Variants in NPFFR1 observed in about 807,000 individuals in gnomAD.
NPFFR1 encodes the protein G-protein coupled receptor 147.
A neutral mutation model predicts 12.7 loss-of-function variants in NPFFR1; 17 were observed. That is an observed-to-expected ratio of 1.34 (90% CI 0.92 to 2.01). The LOEUF is 2.01. NPFFR1 is among the 30% of genes most tolerant of loss of function. The pLI is 0.00. For synonymous variants in NPFFR1, 296 were observed against 264.5 expected, an observed-to-expected ratio of 1.12 and a Z score of -1.16; for missense variants, 604 against 606.5, an observed-to-expected ratio of 1.00 and a Z score of 0.04.
At chr10:70,269,863 C>T (rs111254210) in intron 1 of NPFFR1, among the ~76,000 whole-genome samples, 1 of 152,330 alleles carries the variant, frequency 6.6e-6, no homozygotes, top group Non-Finnish European at 1.5e-5. Flanking sequence ...TCTCTGACCT[C>T]ACCCAGTGCC....
chr10:70,266,179 T>C lies in NPFFR1; in HGVS notation c.220A>G (p.Met74Val), dbSNP rs753490342. The C allele has an allele frequency of 3.7e-6, 6 of 1,614,044 alleles. No individual in the cohort carries two copies. The South Asian group carries it at 6.6e-5, about 18-fold the overall frequency. Residue 74 changes from methionine to valine, a missense_variant, in exon 2 of 4, where the codon ATG (methionine) becomes GTG (valine). Met to Val is a conservative substitution (Grantham distance 21). Coordinates refer to ENST00000277942, the MANE Select transcript of NPFFR1 (RefSeq NM_022146.5). ...ATGAACATGTTGGTGACAGTATGCA[T>C]GTGCCGGTTCTTGAGCACGATGAAA... ...VCFIVLKNRH[M>V]HTVTNMFILN... is the part of the protein sequence containing the mutation.
chr10:70,266,585 A>G (rs1351718394), intron 1 of NPFFR1, among the ~76,000 whole-genome samples, 194 bp from the exon 2 acceptor site: 2 of 152,168 alleles, frequency 1.3e-5, no homozygotes, highest in Non-Finnish European at 1.5e-5. Context: ...CTGGTCTTGT[A>G]CTTCATGCCC....
intron 1 of NPFFR1, among the ~76,000 whole-genome samples, chr10:70,281,752 G>A (rs1475472401): frequency 6.6e-6 from 1 of 152,100 alleles, no homozygotes; most frequent in East Asian, 1.9e-4. Flanking sequence ...TGCATAGTAT[G>A]CCATTGCAGA....
At chr10:70,263,836 G>A (rs1202254215) in intron 2 of NPFFR1, among the ~76,000 whole-genome samples, 1 of 152,096 alleles carries the variant, frequency 6.6e-6, no homozygotes, top group Non-Finnish European at 1.5e-5. Context: ...AAAAAGCTGG[G>A]CATGGTGCCT....
intron 1 of NPFFR1, among the ~76,000 whole-genome samples, chr10:70,280,232 G>GA (rs1840844928): frequency 1.3e-5 from 2 of 152,258 alleles, no homozygotes; most frequent in South Asian, 4.1e-4. Context: ...AGATTTTGGG[G>GA]TAAGTACCCA....
intron 1 of NPFFR1, among the ~76,000 whole-genome samples, chr10:70,271,523 T>TA (rs1005905379): frequency 7.3e-5 from 11 of 151,722 alleles, no homozygotes; most frequent in African/African-American, 2.7e-4. Flanking sequence ...AAATAAAAAA[T>TA]AAAAAATAAT....
At chr10:70,270,490 C>T (rs1431082986) in intron 1 of NPFFR1, among the ~76,000 whole-genome samples, 1 of 152,256 alleles carries the variant, frequency 6.6e-6, no homozygotes, top group Non-Finnish European at 1.5e-5. Context: ...ATTTCCCCCA[C>T]TATCCTTCAC....
At chr10:70,278,870 A>G (rs759293218) in intron 1 of NPFFR1, among the ~76,000 whole-genome samples, 3 of 152,254 alleles carry the variant, frequency 2.0e-5, no homozygotes, top group Admixed American at 6.5e-5. Flanking sequence ...TAGAGTTACA[A>G]AAACATTTAC....
intron 1 of NPFFR1, among the ~76,000 whole-genome samples, chr10:70,275,255 CA>C (rs1010394051): frequency 6.6e-6 from 1 of 152,196 alleles, no homozygotes; most frequent in South Asian, 2.1e-4. Flanking sequence ...TTTTACCCAT[CA>C]AAAATTGTAT....
At position 70,248,481 on chromosome 10, in the gene NPFFR1, T is replaced by TG. The variant is rs1840475636; in HGVS notation, c.*6475_*6476insC. On this transcript the variant is annotated 3_prime_UTR_variant, in exon 4 of 4. Coordinates refer to ENST00000277942, the MANE Select transcript of NPFFR1 (RefSeq NM_022146.5). ...CTATGCCTGGCGTTTTTTTTTTGTT[T>TG]TTTGTTTTTTTTTTTTTTTTTTGAG... 1.8e-5 allele frequency: 2 copies of TG among 109,586 alleles called. No individual in the cohort carries two copies. The highest frequency in any genetic ancestry group is 7.0e-5 in the African/African-American group (2 of 28,592). The allele number at this position is 109,586 out of a possible 1,614,324, so 6.8% of individuals were successfully genotyped here.
At chr10:70,281,121 C>A (rs1436753571) in intron 1 of NPFFR1, among the ~76,000 whole-genome samples, 5 of 152,220 alleles carry the variant, frequency 3.3e-5, no homozygotes, top group African/African-American at 9.7e-5. Flanking sequence ...CCTGCCACAT[C>A]CCATTGGCCC....
Position 70,279,936 on chromosome 10 carries a change from G to A in NPFFR1, c.7+3734C>T, listed in dbSNP as rs561903587. Reference sequence around the variant, plus strand: ...GCCACTCTACTCTCTGGTTCTATGAGTTCTATAGTTTTAGATTCAATATAT... The same window carrying A: ...GCCACTCTACTCTCTGGTTCTATGAATTCTATAGTTTTAGATTCAATATAT... On this transcript the variant is annotated intron_variant, in intron 1 of 3. Transcript: ENST00000277942. 2.0e-5 allele frequency among the ~76,000 whole-genome samples: 3 copies of A among 152,262 alleles called. No homozygotes were observed. In the South Asian group the frequency reaches 6.2e-4, roughly 32 times the overall value.
rs1307534660 is a variant in NPFFR1 at position 70,260,339 on chromosome 10, C to T, written c.422+301G>A. ...GCTCAGACTTAGAGGTGGCAGGATTCCTGCTGCTCAGGAAATAAGGACTGC... is the reference window on the plus strand; with the variant it reads ...GCTCAGACTTAGAGGTGGCAGGATTTCTGCTGCTCAGGAAATAAGGACTGC... On this transcript the variant is annotated intron_variant, in intron 3 of 3. Transcript: ENST00000277942. Among the ~76,000 whole-genome samples the T allele has an allele frequency of 2.6e-5, 4 of 152,290 alleles. No individual in the cohort carries two copies. The East Asian group carries it at 7.7e-4, about 29-fold the overall frequency.
At chr10:70,267,076 G>C (rs764835451) in intron 1 of NPFFR1, among the ~76,000 whole-genome samples, 47 of 152,146 alleles carry the variant, frequency 3.1e-4, no homozygotes, top group Admixed American at 6.5e-5. Flanking sequence ...CTTTCTGAGT[G>C]CACCATTTGT....
rs554397692 is a variant in NPFFR1, at chr10:70,254,195, G to T, written c.*762C>A. ...GCATTGTAAGTTCTTGCCTTGGTCT[G>T]GGAGTCCCTCCTCTGTTCTCTAAGC... On this transcript the variant is annotated 3_prime_UTR_variant, in exon 4 of 4. Coordinates refer to ENST00000277942, the MANE Select transcript of NPFFR1 (RefSeq NM_022146.5). 18 of 152,312 alleles carry T rather than the reference G, an allele frequency of 1.2e-4. No homozygotes were observed. Among genetic ancestry groups the T allele is most frequent in the African/African-American group, 4.3e-4 (18 of 41,552 alleles). The allele number at this position is 152,312 out of a possible 1,614,324, so 9.4% of individuals were successfully genotyped here.
At chr10:70,283,262 T>C (rs1055643929) in intron 1 of NPFFR1, among the ~76,000 whole-genome samples, 2 of 146,266 alleles carry the variant, frequency 1.4e-5, no homozygotes, top group African/African-American at 5.1e-5. Context: ...AAGCACAACA[T>C]GAATACAGAG....
rs1840549202 is a variant in NPFFR1, at chr10:70,255,172, A to G, written c.1078T>C (p.Tyr360His). Residue 360 changes from tyrosine to histidine, a missense_variant, in exon 4 of 4, where the codon TAC (tyrosine) becomes CAC (histidine). Coordinates refer to ENST00000277942, the MANE Select transcript of NPFFR1 (RefSeq NM_022146.5). The surrounding 1 kb of genome is among the most constrained non-coding windows in gnomAD (Gnocchi z 4.2). ...PRPSGSHKEA[Y>H]SERPGGLLHR... ...AGAAGCCCGCCGGGCCGCTCGGAGT[A>G]GGCCTCCTTGTGGCTCCCCGACGGG... The G allele has an allele frequency of 6.5e-7, 1 of 1,547,152 alleles. No homozygotes were observed. Among genetic ancestry groups the G allele is most frequent in the Admixed American group, 2.0e-5 (1 of 51,088 alleles).
In NPFFR1 at chr10:70,283,207, TTCTC is replaced by T. The variant is rs534450457; in HGVS notation, c.7+459_7+462del. Among the ~76,000 whole-genome samples, 22 of 112,754 alleles carry T rather than the reference TTCTC, an allele frequency of 2.0e-4. No individual in the cohort carries two copies. The South Asian group carries it at 6.4e-3, about 33-fold the overall frequency. 74.0% of individuals were successfully genotyped at this position (112,754 alleles called of 152,430 possible). On this transcript the variant is annotated intron_variant, in intron 1 of 3. Coordinates refer to ENST00000277942, the MANE Select transcript of NPFFR1 (RefSeq NM_022146.5). ...ACAAATACAGAGGCACCCCAGGTCT[TTCTC>T]TCTCTCTCTCACTCTCTCTCTCTCT... is the stretch of plus-strand genomic sequence containing the variant.
At position 70,266,455 on chromosome 10, in the gene NPFFR1, A is replaced by G; in HGVS notation, c.8-64T>C. The G allele has an allele frequency of 2.3e-6, 3 of 1,304,148 alleles. No individual in the cohort carries two copies. In the South Asian group the frequency reaches 4.3e-5, roughly 19 times the overall value. 80.8% of individuals were successfully genotyped at this position (1,304,148 alleles called of 1,614,324 possible). A position where few individuals can be genotyped will look rare whatever the true frequency, so the allele number is the denominator to read the frequency against. On this transcript the variant is annotated intron_variant, in intron 1 of 3. Transcript: ENST00000277942. ...AAGAAGAGATTACCGATTTCTCACC[A>G]CTAATGAGACCCTCTGTGTGCCAAA...
Sources: gnomAD v4.1 joint callset for allele counts (sites outside exome capture counted in the v4.1 genomes callset) on GRCh38, gnomAD v4.1.1 for gene constraint, Gnocchi (gnomAD v3.1) non-coding constraint, MANE v1.5 for transcripts, NCBI Gene and HGNC (gene_info 2026-07-23, HGNC 2026-07-21) for gene names.